DLG2: variants seen among roughly 807,000 people sequenced by gnomAD.
DLG2 encodes discs large MAGUK scaffold protein 2.
Under a neutral mutation model 132.5 loss-of-function variants are expected in DLG2, and 45 were observed. The ratio of observed to expected loss-of-function variants is 0.34; its 90% CI spans 0.27 to 0.44. The LOEUF (loss-of-function observed/expected upper bound fraction) is 0.44, where lower values mean the gene tolerates loss of function less well. Ranked by LOEUF, DLG2 falls within the 20% of genes least tolerant of loss-of-function variation. The probability of loss-of-function intolerance (pLI) is 1.00; values close to 1 mark genes in which losing one functional copy is unlikely to be tolerated. For synonymous variants in DLG2, 424 were observed against 419.6 expected (o/e 1.01, Z -0.13); for missense variants, 1,045 against 1,196.9 (o/e 0.87, Z 1.87).
intron 3 of DLG2, chr11:85,286,232 T>A (rs1221609867): frequency 1.9e-5 from 6 of 312,924 alleles, no homozygotes; most frequent in Admixed American, 5.0e-5. Flanking sequence ...ACATGTATAC[T>A]AAAATTGAAC....
At chr11:85,350,758 A>C (rs765269422) in intron 3 of DLG2, among the ~76,000 whole-genome samples, 1 of 152,080 alleles carries the variant, frequency 6.6e-6, no homozygotes, top group Non-Finnish European at 1.5e-5. Context: ...GTTCTGTTCC[A>C]TTGGTCTATG....
At chr11:84,958,465 T>C (rs942623931) in intron 6 of DLG2, among the ~76,000 whole-genome samples, 3 of 152,194 alleles carry the variant, frequency 2.0e-5, no homozygotes, top group Non-Finnish European at 2.9e-5. Context: ...TCTTGGAACA[T>C]AGGGCTTCCA....
intron 6 of DLG2, among the ~76,000 whole-genome samples, chr11:85,065,120 T>C (rs1176285234): frequency 6.6e-6 from 1 of 151,402 alleles, no homozygotes; most frequent in Non-Finnish European, 1.5e-5. Flanking sequence ...TAATAAAAAA[T>C]GGTGAAGAAA....
chr11:83,907,369 A>G (rs2154106821), intron 15 of DLG2, among the ~76,000 whole-genome samples: 1 of 152,316 alleles, frequency 6.6e-6, no homozygotes, highest in East Asian at 1.9e-4. Context: ...TATATAGAAA[A>G]TACAAAAATA....
chr11:84,560,922 G>T (rs1015464687), intron 6 of DLG2, among the ~76,000 whole-genome samples: 1 of 151,980 alleles, frequency 6.6e-6, no homozygotes, highest in Non-Finnish European at 1.5e-5. Context: ...GATTTATTGG[G>T]CATCTGTCAT....
intron 3 of DLG2, among the ~76,000 whole-genome samples, chr11:85,506,925 G>C (rs923174357): frequency 9.9e-5 from 15 of 152,140 alleles, no homozygotes; most frequent in Non-Finnish European, 2.1e-4. Context: ...TATATATTTA[G>C]GATAGTTAGT....
At chr11:83,469,086 A>T in intron 25 of DLG2, 115 bp downstream of exon 25, 2 of 768,150 alleles carry the variant, frequency 2.6e-6, no homozygotes, top group Non-Finnish European at 4.2e-6. Context: ...TTAAATTATT[A>T]AATCAAAATT....
rs143484386 is a variant in DLG2 at position 85,509,196 on chromosome 11, C to T, written c.40+89461G>A. 3.7e-4 allele frequency among the ~76,000 whole-genome samples: 57 copies of T among 152,150 alleles called. No individual in the cohort carries two copies. In the East Asian group the frequency reaches 5.0e-3, roughly 13 times the overall value. On this transcript the variant is annotated intron_variant, in intron 3 of 27. Coordinates refer to ENST00000376104, the MANE Select transcript of DLG2 (RefSeq NM_001142699.3). ...GTTCAAGGAATCCCATGCCTATCTA[C>T]ACCTGAGTCCTGAAAAGAAATAAAT... is the stretch of plus-strand genomic sequence containing the variant.
At chr11:84,506,569 C>A (rs903087815) in intron 7 of DLG2, among the ~76,000 whole-genome samples, 1 of 152,148 alleles carries the variant, frequency 6.6e-6, no homozygotes, top group Admixed American at 6.5e-5. Context: ...GAAACTGATT[C>A]TTCCCTCAAG....
intron 21 of DLG2, among the ~76,000 whole-genome samples, chr11:83,521,027 G>A (rs2095466465): frequency 6.6e-6 from 1 of 152,198 alleles, no homozygotes; most frequent in Non-Finnish European, 1.5e-5. Flanking sequence ...TGTTTGCCAA[G>A]AGCATGGGCA....
chr11:83,732,929 A>G (rs987838627), intron 18 of DLG2, among the ~76,000 whole-genome samples: 1 of 152,112 alleles, frequency 6.6e-6, no homozygotes, highest in Non-Finnish European at 1.5e-5. Context: ...ACAGTAGTGA[A>G]CACTCAGAAG....
At chr11:84,673,469 T>C (rs1002976530) in intron 6 of DLG2, among the ~76,000 whole-genome samples, 1 of 151,818 alleles carries the variant, frequency 6.6e-6, no homozygotes, top group African/African-American at 2.4e-5. Context: ...AGAGGGTGGG[T>C]AAGGGGCTTA....
At chr11:84,089,450 A>T (rs2097052432) in intron 10 of DLG2, among the ~76,000 whole-genome samples, 1 of 151,980 alleles carries the variant, frequency 6.6e-6, no homozygotes, top group African/African-American at 2.4e-5. Context: ...TTTTAAAATC[A>T]TCACTGAGTT....
chr11:84,364,194 G>T (rs1454730326), intron 7 of DLG2, among the ~76,000 whole-genome samples: 1 of 151,648 alleles, frequency 6.6e-6, no homozygotes, highest in African/African-American at 2.4e-5. Flanking sequence ...ATTGAGAAGT[G>T]GTTTGTAGTT....
At chr11:85,065,846 A>G (rs948551040) in intron 6 of DLG2, among the ~76,000 whole-genome samples, 1 of 151,418 alleles carries the variant, frequency 6.6e-6, no homozygotes, top group African/African-American at 2.4e-5. Flanking sequence ...TATGGTGTTA[A>G]ATGCCTATGT....
chr11:84,734,765 G>T (rs960419906), intron 6 of DLG2, among the ~76,000 whole-genome samples: 1 of 152,112 alleles, frequency 6.6e-6, no homozygotes, highest in Non-Finnish European at 1.5e-5. Context: ...CAAGATATTG[G>T]CTGTGGGTTT....
intron 5 of DLG2, among the ~76,000 whole-genome samples, chr11:85,153,451 T>C (rs1043520569): frequency 1.4e-4 from 21 of 152,212 alleles, no homozygotes; most frequent in Non-Finnish European, 3.1e-4. Context: ...CTGTCAATTA[T>C]TTCTTTAAGA....
chr11:84,751,748 T>C (rs1223981978), intron 6 of DLG2, among the ~76,000 whole-genome samples: 5 of 152,206 alleles, frequency 3.3e-5, no homozygotes, highest in African/African-American at 4.8e-5. Flanking sequence ...AGCAACAAAT[T>C]GCAATTGATC....
intron 8 of DLG2, among the ~76,000 whole-genome samples, chr11:84,209,419 G>T (rs959572382): frequency 1.3e-5 from 2 of 152,112 alleles, no homozygotes; most frequent in African/African-American, 4.8e-5. Context: ...GAAAGTATAC[G>T]TTAATAGGAA....
Sources: gnomAD v4.1 joint callset for allele counts (sites outside exome capture counted in the v4.1 genomes callset) on GRCh38, gnomAD v4.1.1 for gene constraint, MANE v1.5 for transcripts, NCBI Gene and HGNC (gene_info 2026-07-23, HGNC 2026-07-21) for gene names.